SERPINE3: variants seen among roughly 807,000 people sequenced by gnomAD.
SERPINE3 encodes the protein serpin E3.
In SERPINE3, 43 loss-of-function variants were observed where a neutral mutation model predicts 41.7. That is an observed-to-expected ratio of 1.03 (90% confidence interval 0.81 to 1.33). SERPINE3 has a LOEUF of 1.33. SERPINE3 is among the 40% of genes most tolerant of loss of function. The pLI, the probability that SERPINE3 is intolerant of heterozygous loss-of-function variation, is 0.00. For synonymous variants in SERPINE3, 200 were observed against 192.2 expected (o/e 1.04, Z -0.34); for missense variants, 440 against 491.7 (o/e 0.89, Z 0.99).
At chr13:51,361,932 C>G (rs1566198381) in intron 9 of SERPINE3, 39 bp downstream of exon 9, 1 of 1,611,844 alleles carries the variant, frequency 6.2e-7, no homozygotes, top group East Asian at 2.2e-5. Context: ...GATAATTTAT[C>G]AGTGTCTCTC....
Position 51,347,248 on chromosome 13 carries a change from CT to C in SERPINE3, c.700+15del. 1 of 1,611,218 alleles carries C rather than the reference CT, an allele frequency of 6.2e-7. No homozygotes were observed. The highest frequency in any genetic ancestry group is 8.5e-7 in the Non-Finnish European group (1 of 1,178,214). ...AGGTCAACTACGGTGAGCTCTGCCC[CT>C]GCTGGTTTGTCTAAAGGGAGAGGAA... On this transcript the variant is annotated intron_variant, in intron 5 of 9. Transcript: ENST00000681248.
At position 51,341,293 on chromosome 13, in the gene SERPINE3, G is replaced by A. The variant is rs751337754; in HGVS notation, c.202G>A (p.Ala68Thr). 39 of 1,613,308 alleles carry A rather than the reference G, an allele frequency of 2.4e-5. No individual in the cohort carries two copies. Among genetic ancestry groups the A allele is most frequent in the Non-Finnish European group, 3.3e-5 (39 of 1,179,594 alleles). Reference sequence around the variant, plus strand: ...CCCCCTGGAGATCCTGCAGTTTGGAGCAGAAGGGAGCACTGGTCAGCAGCT... The same window carrying A: ...CCCCCTGGAGATCCTGCAGTTTGGAACAGAAGGGAGCACTGGTCAGCAGCT... ...SLPLEILQFG[A>T]EGSTGQQLAD... is the part of the protein sequence containing the mutation. The change falls in exon 3 of 10, where the codon GCA (alanine) becomes ACA (threonine). Residue 68 changes from alanine (A) to threonine (T), a missense_variant. Transcript: ENST00000681248.
Position 51,340,804 on chromosome 13 carries a change from T to A in SERPINE3, c.-75T>A. On this transcript the variant is annotated 5_prime_UTR_variant, in exon 2 of 10. Coordinates refer to ENST00000681248, the MANE Select transcript of SERPINE3 (RefSeq NM_001386375.1). Reference sequence around the variant, plus strand: ...ACCAGGGCTTTGCTAAAGTCACACATCCAGTAAGTGGCCGAAGCAGATCTT... The same window carrying A: ...ACCAGGGCTTTGCTAAAGTCACACAACCAGTAAGTGGCCGAAGCAGATCTT... 2.0e-6 allele frequency: 1 copy of A among 511,922 alleles called. No homozygotes were observed. The highest frequency in any genetic ancestry group is 3.5e-5 in the Admixed American group (1 of 28,882). 31.7% of individuals were successfully genotyped at this position (511,922 alleles called of 1,614,324 possible). A position where few individuals can be genotyped will look rare whatever the true frequency, so the allele number is the denominator to read the frequency against.
intron 6 of SERPINE3, among the ~76,000 whole-genome samples, chr13:51,348,848 G>GTCC (rs1439076333): frequency 2.0e-5 from 3 of 150,514 alleles, no homozygotes; most frequent in Admixed American, 6.6e-5. Context: ...ACGTAATTGA[G>GTCC]CAAGTACAGA....
chr13:51,357,299 T>C (rs1466731771), intron 7 of SERPINE3, among the ~76,000 whole-genome samples: 2 of 152,206 alleles, frequency 1.3e-5, no homozygotes, highest in Non-Finnish European at 2.9e-5. Context: ...AACAAATAGT[T>C]TCCTCATTCC....
At chr13:51,350,738 C>T (rs1382672339) in intron 6 of SERPINE3, among the ~76,000 whole-genome samples, 2 of 152,034 alleles carry the variant, frequency 1.3e-5, no homozygotes, top group East Asian at 3.9e-4. Context: ...CTACTAATTC[C>T]AGAACCTTTT....
chr13:51,348,114 T>C lies in SERPINE3; in HGVS notation c.701-99T>C, dbSNP rs116505213. The C allele has an allele frequency of 3.0e-3, 2,681 of 889,910 alleles. 55 individuals carry two copies. The African/African-American group carries it at 0.037, about 12-fold the overall frequency. The allele number at this position is 889,910 out of a possible 1,614,324, so 55.1% of individuals were successfully genotyped here. ...GGGTGAGGTGGATGCTCGGTTTTAT[T>C]GTTTCCAGTCCTCTGAGCCAGCCTC... On this transcript the variant is annotated intron_variant, in intron 5 of 9. Transcript: ENST00000681248.
chr13:51,358,034 G>T (rs1473384874), intron 7 of SERPINE3, among the ~76,000 whole-genome samples: 1 of 152,136 alleles, frequency 6.6e-6, no homozygotes, highest in Non-Finnish European at 1.5e-5. Context: ...AATTGCAATA[G>T]AAAGAGGTGC....
intron 6 of SERPINE3, among the ~76,000 whole-genome samples, chr13:51,348,933 C>A (rs981770848): frequency 5.9e-5 from 9 of 152,208 alleles, no homozygotes; most frequent in African/African-American, 1.9e-4. Context: ...GGTTCTCATT[C>A]TTTCTAAATG....
At chr13:51,346,976 A>T in intron 4 of SERPINE3, 49 bp from the exon 5 acceptor site, 1 of 1,388,788 alleles carries the variant, frequency 7.2e-7, no homozygotes, top group Non-Finnish European at 1.0e-6. Context: ...GGTTCGGTTC[A>T]GTTTCAATGC....
intron 9 of SERPINE3, chr13:51,363,675 T>C (rs930938652): frequency 2.0e-5 from 3 of 151,894 alleles, no homozygotes; most frequent in Admixed American, 6.6e-5. Context: ...TTAACTAATA[T>C]ACCCATTTTT....
chr13:51,360,452 T>A (rs1207791761), intron 7 of SERPINE3, among the ~76,000 whole-genome samples: 2 of 152,070 alleles, frequency 1.3e-5, no homozygotes, highest in African/African-American at 4.8e-5. Context: ...TTCCTAAGTT[T>A]CTTCTGGTTC....
chr13:51,364,170 A>G, intron 9 of SERPINE3, 69 bp from the exon 10 acceptor site: 4 of 730,854 alleles, frequency 5.5e-6, no homozygotes, highest in Non-Finnish European at 8.7e-6. Flanking sequence ...TTTGTATAGA[A>G]GTAAACAAAG....
intron 3 of SERPINE3, among the ~76,000 whole-genome samples, chr13:51,342,252 C>A (rs561631837): frequency 1.1e-4 from 16 of 151,566 alleles, no homozygotes; most frequent in African/African-American, 3.9e-4. Flanking sequence ...ATGAAGCTGT[C>A]CTAGGCAGGG....
chr13:51,361,817 G>A lies in SERPINE3; in HGVS notation c.1095G>A (p.Leu365=), dbSNP rs1279325482. 2 of 1,604,478 alleles carry A rather than the reference G, an allele frequency of 1.2e-6. No individual in the cohort carries two copies. ...GTKASGATAL[L]LLKRSRIPIF... The stretch of plus-strand genomic sequence containing the variant: ...TTTCTTTCTTTCCTGCAGCTCTGTT[G>A]TTATTGAAAAGGTCTCGGATTCCTA... The change falls in exon 9 of 10, where the codon TTG becomes TTA. Residue 365 remains leucine (L), a synonymous_variant. Coordinates refer to ENST00000681248, the MANE Select transcript of SERPINE3 (RefSeq NM_001386375.1).
intron 6 of SERPINE3, among the ~76,000 whole-genome samples, chr13:51,350,287 TA>T (rs1210344481): frequency 6.6e-6 from 1 of 151,948 alleles, no homozygotes; most frequent in Non-Finnish European, 1.5e-5. Context: ...TATAAATAAA[TA>T]AAAAAAGTGC....
rs1224913914 is a variant in SERPINE3 at position 51,355,124 on chromosome 13, T to C, written c.981T>C (p.Ala327=). 2.0e-6 allele frequency: 3 copies of C among 1,535,730 alleles called. No homozygotes were observed. The highest frequency in any genetic ancestry group is 1.4e-5 in the African/African-American group (1 of 72,972). The change falls in exon 7 of 10, where the codon GCT becomes GCC. Residue 327 remains alanine (A), a synonymous_variant. Coordinates refer to ENST00000681248, the MANE Select transcript of SERPINE3 (RefSeq NM_001386375.1). ...CCGATCTTTTTGATCCACTCAAAGC[T>C]AACTTGAAAGGAATTTCAGGTAAAA... ...GVTDLFDPLK[A]NLKGISGQDG...
At chr13:51,348,177 G>C in intron 5 of SERPINE3, 36 bp from the exon 6 acceptor site, 1 of 1,502,252 alleles carries the variant, frequency 6.7e-7, no homozygotes, top group Non-Finnish European at 9.1e-7. Context: ...CCTGGCTCCT[G>C]GGACAGAGCT....
intron 7 of SERPINE3, among the ~76,000 whole-genome samples, chr13:51,357,913 G>A (rs570179736): frequency 6.6e-6 from 1 of 152,190 alleles, no homozygotes; most frequent in South Asian, 2.1e-4. Context: ...TCTCTGCTCG[G>A]TAAGAAGTAC....
Sources: allele counts gnomAD v4.1 joint callset (sites outside exome capture counted in the v4.1 genomes callset), GRCh38; gene constraint gnomAD v4.1.1; transcripts MANE v1.5; gene names NCBI Gene and HGNC (gene_info 2026-07-23, HGNC 2026-07-21).